The following SNTG2 variants were observed in gnomAD, a reference collection of about 807,000 sequenced individuals.
The protein encoded by SNTG2 is syntrophin gamma 2, also known as gamma-2-syntrophin.
A neutral mutation model predicts 70.9 loss-of-function variants in SNTG2; 74 were observed. The observed-to-expected ratio is 1.04, with a 90% CI of 0.86 to 1.27. SNTG2 has a LOEUF of 1.27. Ranked by LOEUF, SNTG2 falls within the 50% of genes most tolerant of loss-of-function variation. SNTG2 has a pLI of 0.00. For synonymous variants in SNTG2, 278 were observed against 273.8 expected (o/e 1.02, Z -0.15); for missense variants, 717 against 690.7 (o/e 1.04, Z -0.43).
At chr2:1,051,582 A>C (rs1473572303) in intron 1 of SNTG2, among the ~76,000 whole-genome samples, 2 of 152,244 alleles carry the variant, frequency 1.3e-5, no homozygotes, top group South Asian at 2.1e-4. Flanking sequence ...ATATCTGATG[A>C]TCTGCCATTC....
At chr2:1,334,324 G>T (rs1290746377) in intron 16 of SNTG2, among the ~76,000 whole-genome samples, 1 of 152,150 alleles carries the variant, frequency 6.6e-6, no homozygotes, top group Non-Finnish European at 1.5e-5. Flanking sequence ...GATAAAAAGG[G>T]AACACTTTTA....
chr2:1,286,664 A>T (rs997394482), intron 14 of SNTG2, among the ~76,000 whole-genome samples: 14 of 152,198 alleles, frequency 9.2e-5, no homozygotes, highest in African/African-American at 3.4e-4. Context: ...AGTGAGGACA[A>T]ACCTCTGCCC....
chr2:1,101,738 A>G (rs932877632), intron 4 of SNTG2, among the ~76,000 whole-genome samples: 4 of 152,198 alleles, frequency 2.6e-5, no homozygotes, highest in Admixed American at 2.0e-4. Flanking sequence ...AGAACTAGGA[A>G]TACCTACGGA....
chr2:1,113,937 CGTG>C (rs1666721384), intron 4 of SNTG2, among the ~76,000 whole-genome samples: 1 of 150,078 alleles, frequency 6.7e-6, no homozygotes, highest in African/African-American at 2.5e-5. Flanking sequence ...TGAGGAGGAT[CGTG>C]TTTCCTAAGT....
chr2:1,190,497 A>C (rs1477022320), intron 8 of SNTG2, among the ~76,000 whole-genome samples: 7 of 6,186 alleles, frequency 1.1e-3, no homozygotes, highest in Non-Finnish European at 1.9e-3. Context: ...AGGGCTGACT[A>C]TATATATATA....
intron 8 of SNTG2, among the ~76,000 whole-genome samples, chr2:1,183,916 C>A (rs1042805914): frequency 6.6e-6 from 1 of 151,982 alleles, no homozygotes; most frequent in Non-Finnish European, 1.5e-5. Flanking sequence ...GTGCTTTCTA[C>A]TTCTGGTAGT....
At chr2:1,078,534 C>T (rs922241744) in intron 1 of SNTG2, among the ~76,000 whole-genome samples, 5 of 151,898 alleles carry the variant, frequency 3.3e-5, no homozygotes, top group East Asian at 1.9e-4. Context: ...GGCACGGCGG[C>T]GCTGCAGGAC....
intron 4 of SNTG2, among the ~76,000 whole-genome samples, chr2:1,106,223 T>G (rs1439977871): frequency 1.8e-5 from 2 of 111,890 alleles, no homozygotes; most frequent in Admixed American, 1.0e-4. Flanking sequence ...TCCTTGGTAA[T>G]AGTGGATGCG....
intron 16 of SNTG2, among the ~76,000 whole-genome samples, chr2:1,361,359 C>CA (rs1661135090): frequency 6.6e-6 from 1 of 151,334 alleles, no homozygotes; most frequent in African/African-American, 2.4e-5. Flanking sequence ...AAAAAAAACT[C>CA]ACAGAATTTT....
intron 1 of SNTG2, among the ~76,000 whole-genome samples, chr2:966,308 T>A (rs1391639121): frequency 3.3e-5 from 5 of 152,390 alleles, no homozygotes; most frequent in African/African-American, 9.6e-5. Flanking sequence ...TTTACATTTT[T>A]TTTTACTTAA....
At chr2:1,234,871 T>C (rs1183133189) in intron 9 of SNTG2, among the ~76,000 whole-genome samples, 1 of 152,228 alleles carries the variant, frequency 6.6e-6, no homozygotes, top group Non-Finnish European at 1.5e-5. Context: ...AGATTCCTTC[T>C]CACCACTGAC....
At chr2:1,118,902 G>A (rs1667205839) in intron 4 of SNTG2, among the ~76,000 whole-genome samples, 1 of 152,004 alleles carries the variant, frequency 6.6e-6, no homozygotes, top group African/African-American at 2.4e-5. Context: ...GAGAGATATG[G>A]GCATTCAATT....
At chr2:1,328,435 C>G (rs555885148) in intron 16 of SNTG2, among the ~76,000 whole-genome samples, 2 of 152,172 alleles carry the variant, frequency 1.3e-5, no homozygotes, top group Non-Finnish European at 2.9e-5. Context: ...AACTCTGGGG[C>G]TCCGTGAGGA....
chr2:1,000,379 A>G (rs138141225), intron 1 of SNTG2, among the ~76,000 whole-genome samples: 30 of 152,006 alleles, frequency 2.0e-4, no homozygotes, highest in African/African-American at 6.5e-4. Flanking sequence ...TTAATAGACC[A>G]CTAGCTATAT....
At chr2:1,221,028 GT>G (rs1674724515) in intron 9 of SNTG2, among the ~76,000 whole-genome samples, 1 of 152,260 alleles carries the variant, frequency 6.6e-6, no homozygotes, top group African/African-American at 2.4e-5. Context: ...GCAGCTCTGA[GT>G]TGCCTTCTCT....
intron 14 of SNTG2, among the ~76,000 whole-genome samples, chr2:1,276,152 C>G (rs557490721): frequency 1.3e-5 from 2 of 152,336 alleles, no homozygotes; most frequent in African/African-American, 2.4e-5. Context: ...AAGTGCTGAT[C>G]AAGAAGCTGC....
At chr2:1,250,163 C>T (rs1677669381) in intron 12 of SNTG2, among the ~76,000 whole-genome samples, 1 of 152,236 alleles carries the variant, frequency 6.6e-6, no homozygotes, top group South Asian at 2.1e-4. Context: ...TCCCCCAGGG[C>T]TGCCAGCCTC....
chr2:1,091,711 T>A (rs1360775221), intron 2 of SNTG2, among the ~76,000 whole-genome samples: 1 of 152,238 alleles, frequency 6.6e-6, no homozygotes, highest in African/African-American at 2.4e-5. Flanking sequence ...GAAGGTGGAA[T>A]ACTATGGAAT....
intron 8 of SNTG2, among the ~76,000 whole-genome samples, chr2:1,200,539 A>C (rs1012056576): frequency 1.3e-5 from 2 of 152,082 alleles, no homozygotes; most frequent in African/African-American, 4.8e-5. Flanking sequence ...GTATTAAACT[A>C]AAAAGCTTCT....
Sources: gnomAD v4.1 joint callset for allele counts (sites outside exome capture counted in the v4.1 genomes callset) on GRCh38, gnomAD v4.1.1 for gene constraint, MANE v1.5 for transcripts, NCBI Gene and HGNC (gene_info 2026-07-23, HGNC 2026-07-21) for gene names.